SNX31: variants seen among roughly 807,000 people sequenced by gnomAD.
SNX31 encodes the protein sorting nexin 31.
In SNX31, 58 loss-of-function variants were observed where a neutral mutation model predicts 65.4. The ratio of observed to expected loss-of-function variants is 0.89; its 90% CI spans 0.72 to 1.10. The LOEUF (loss-of-function observed/expected upper bound fraction) is 1.10. SNX31 is among the 50% of genes least tolerant of loss of function. SNX31 has a pLI of 0.00. For missense variants in SNX31, 523 were observed against 529.7 expected (o/e 0.99, Z 0.12); for synonymous variants, 181 against 190.1 (o/e 0.95, Z 0.39).
chr8:100,625,069 C>A lies in SNX31; in HGVS notation c.321+5258G>T, dbSNP rs540010522. Among the ~76,000 whole-genome samples the A allele has an allele frequency of 7.2e-5, 11 of 152,270 alleles. No homozygotes were observed. In the South Asian group the frequency reaches 2.1e-3, roughly 29 times the overall value. ...CAAGTAATTCTCCCACCTCAGCCCC[C>A]CAAAGTTCTGGGATTACAGGTGTGA... On this transcript the variant is annotated intron_variant, in intron 4 of 13. Coordinates refer to ENST00000311812, the MANE Select transcript of SNX31 (RefSeq NM_152628.4). This position sits in a 1 kb window ranked among gnomAD's most constrained non-coding sequence, Gnocchi z 4.2.
At chr8:100,636,738 T>G (rs1206773932) in intron 2 of SNX31, among the ~76,000 whole-genome samples, 3 of 152,198 alleles carry the variant, frequency 2.0e-5, no homozygotes, top group Non-Finnish European at 4.4e-5. Context: ...CTTTCTTTTT[T>G]GAGACGGAGT....
chr8:100,596,783 G>T lies in SNX31; in HGVS notation c.834C>A (p.Thr278=). The T allele has an allele frequency of 6.2e-7, 1 of 1,614,086 alleles. No individual in the cohort carries two copies. Among genetic ancestry groups the T allele is most frequent in the Non-Finnish European group, 8.5e-7 (1 of 1,180,020 alleles). The part of the protein sequence containing the change: ...HYGYLQLDPC[T]CDYPESGSGA... ...CAGAGCCTGATTCTGGGTAGTCACA[G>T]GTACAAGGATCCAGCTGCAGGTATC... Residue 278 remains threonine, a synonymous_variant, in exon 10 of 14, where the codon ACC becomes ACA. Transcript: ENST00000311812.
intron 2 of SNX31, among the ~76,000 whole-genome samples, chr8:100,642,148 C>T (rs922875839): frequency 6.6e-6 from 1 of 152,088 alleles, no homozygotes; most frequent in African/African-American, 2.4e-5. Flanking sequence ...ATTTTTCGGC[C>T]CTTCCAGAGA....
Position 100,588,921 on chromosome 8 carries a change from C to T in SNX31, c.1037G>A (p.Arg346Lys), listed in dbSNP as rs1346829966. 6.2e-7 allele frequency: 1 copy of T among 1,614,088 alleles called. No individual in the cohort carries two copies. Among genetic ancestry groups the T allele is most frequent in the Non-Finnish European group, 8.5e-7 (1 of 1,179,992 alleles). Residue 346 changes from arginine (R) to lysine (K), a missense_variant, in exon 11 of 14, where the codon AGA becomes AAA. Coordinates refer to ENST00000311812, the MANE Select transcript of SNX31 (RefSeq NM_152628.4). This position sits in a 1 kb window ranked among gnomAD's most constrained non-coding sequence, Gnocchi z 4.8. ...QRTLNQNLEL[R>K]FQYSEDSCWQ... ...GCAACTATCCTCACTGTATTGAAAT[C>T]TGAGCTCTAAGTTCTGGTTGAGAGT...
upstream of SNX31, among the ~76,000 whole-genome samples, chr8:100,650,239 A>T (rs535933897): frequency 6.6e-6 from 1 of 152,318 alleles, no homozygotes; most frequent in Admixed American, 6.5e-5. Flanking sequence ...TATTTTAGTT[A>T]AATGAAACTA....
intron 11 of SNX31, among the ~76,000 whole-genome samples, chr8:100,586,429 A>C (rs1322039133): frequency 1.3e-5 from 2 of 152,178 alleles, no homozygotes; most frequent in Non-Finnish European, 2.9e-5. Flanking sequence ...GGGAAATAAG[A>C]CCTTACTAGG....
In SNX31 at chr8:100,629,073, A is replaced by G. The variant is rs1818251257; in HGVS notation, c.321+1254T>C. Among the ~76,000 whole-genome samples the G allele has an allele frequency of 6.6e-6, 1 of 152,194 alleles. No individual in the cohort carries two copies. Among genetic ancestry groups the G allele is most frequent in the Admixed American group, 6.5e-5 (1 of 15,280 alleles). ...CATCTAGGTTTGTGGTGTTCACACA[A>G]TGACAAAATCGCCTAATGATGCATT... is the stretch of plus-strand genomic sequence containing the variant. On this transcript the variant is annotated intron_variant, in intron 4 of 13. Transcript: ENST00000311812. The surrounding 1 kb of genome is among the most constrained non-coding windows in gnomAD (Gnocchi z 5.1).
In SNX31 at chr8:100,575,565, A is replaced by C. The variant is rs1455349448; in HGVS notation, c.1227+1454T>G. ...TGTGCTGAGTGTTATCTGTTGTCCT[A>C]GGACAGTGGCTCTCAAACTTGAACA... On this transcript the variant is annotated intron_variant, in intron 13 of 13. Transcript: ENST00000311812. This position sits in a 1 kb window ranked among gnomAD's most constrained non-coding sequence, Gnocchi z 5.1. 6.6e-6 allele frequency among the ~76,000 whole-genome samples: 1 copy of C among 152,192 alleles called. No homozygotes were observed. The highest frequency in any genetic ancestry group is 1.5e-5 in the Non-Finnish European group (1 of 68,032).
intron 11 of SNX31, among the ~76,000 whole-genome samples, chr8:100,585,223 C>A (rs969002983): frequency 6.6e-6 from 1 of 152,178 alleles, no homozygotes; most frequent in Non-Finnish European, 1.5e-5. Flanking sequence ...TTCCCATTTG[C>A]TCCTTTCCCA....
At position 100,622,450 on chromosome 8, in the gene SNX31, G is replaced by A. The variant is rs766723359; in HGVS notation, c.322-4720C>T. ...GTGGGTCATTTGAGGTCAGGAGTTC[G>A]AGACCAGCCTGGCCAACATGGTGAA... On this transcript the variant is annotated intron_variant, in intron 4 of 13. Transcript: ENST00000311812. This position sits in a 1 kb window ranked among gnomAD's most constrained non-coding sequence, Gnocchi z 5.0. Among the ~76,000 whole-genome samples, 47 of 152,204 alleles carry A rather than the reference G, an allele frequency of 3.1e-4. No individual in the cohort carries two copies. Among genetic ancestry groups the A allele is most frequent in the East Asian group, 9.7e-4 (5 of 5,174 alleles).
At position 100,630,873 on chromosome 8, in the gene SNX31, C is replaced by A. The variant is rs934818037; in HGVS notation, c.257-482G>T. On this transcript the variant is annotated intron_variant, in intron 3 of 13. Transcript: ENST00000311812. The surrounding 1 kb of genome is among the most constrained non-coding windows in gnomAD (Gnocchi z 5.3). ...CGTGAGCTCGGCTCACTGCAATGTC[C>A]GTCTCCTGGGTTAAGACGATTCTCT... Among the ~76,000 whole-genome samples the A allele has an allele frequency of 6.6e-6, 1 of 152,110 alleles. No homozygotes were observed. The highest frequency in any genetic ancestry group is 1.5e-5 in the Non-Finnish European group (1 of 68,018).
At chr8:100,636,147 G>A in intron 2 of SNX31, 136 bp from the exon 3 acceptor site, 1 of 593,842 alleles carries the variant, frequency 1.7e-6, no homozygotes, top group Non-Finnish European at 3.0e-6. Flanking sequence ...GCCCAAAGGG[G>A]GAAAAGAGGA....
chr8:100,627,009 T>C (rs1197570673), intron 4 of SNX31, among the ~76,000 whole-genome samples: 1 of 152,106 alleles, frequency 6.6e-6, no homozygotes, highest in Non-Finnish European at 1.5e-5. Context: ...AGGCAAAATA[T>C]TAAGGAAATG....
At chr8:100,596,863 T>G (rs770176911) in intron 9 of SNX31, 21 bp from the exon 10 acceptor site, 1 of 1,610,636 alleles carries the variant, frequency 6.2e-7, no homozygotes, top group Admixed American at 1.7e-5. Flanking sequence ...GAGGGTGATG[T>G]GGGGGGAGGG....
chr8:100,635,874 T>A (rs773863723), intron 3 of SNX31, 23 bp downstream of exon 3: 3 of 1,564,222 alleles, frequency 1.9e-6, no homozygotes, highest in East Asian at 2.2e-5. Flanking sequence ...ATCTGTTTTT[T>A]AAAAAACCCT....
intron 1 of SNX31, chr8:100,657,638 G>A: frequency 2.2e-6 from 1 of 455,910 alleles, no homozygotes; most frequent in Admixed American, 2.4e-5. Flanking sequence ...CAGCTGGAGG[G>A]CTTGGGAGCC....
intron 4 of SNX31, chr8:100,618,887 A>G: frequency 6.5e-6 from 1 of 154,738 alleles, no homozygotes; most frequent in Admixed American, 6.4e-5. Flanking sequence ...AGGTGCCGTT[A>G]TGGAAGCTCC....
At position 100,641,565 on chromosome 8, in the gene SNX31, AATAT is replaced by A. The variant is rs1237945389; in HGVS notation, c.142-5558_142-5555del. On this transcript the variant is annotated intron_variant, in intron 2 of 13. Coordinates refer to ENST00000311812, the MANE Select transcript of SNX31 (RefSeq NM_152628.4). ...TGTCTCAAAAAAAAAAAAAAAAAAA[AATAT>A]ATATATATATATATATATATATATA... is the stretch of plus-strand genomic sequence containing the variant. Among the ~76,000 whole-genome samples, 53 of 32,096 alleles carry A rather than the reference AATAT, an allele frequency of 1.7e-3. 1 individual carries two copies. Among genetic ancestry groups the A allele is most frequent in the African/African-American group, 3.5e-3 (26 of 7,374 alleles). The allele number at this position is 32,096 out of a possible 152,430, so 21.1% of individuals were successfully genotyped here. A position where few individuals can be genotyped will look rare whatever the true frequency, so the allele number is the denominator to read the frequency against.
intron 11 of SNX31, 98 bp from the exon 12 acceptor site, chr8:100,584,286 C>CAATA (rs1190575337): frequency 4.9e-6 from 4 of 819,700 alleles, no homozygotes; most frequent in Non-Finnish European, 5.5e-6. Context: ...CTCTGCCCTC[C>CAATA]AATAACACAG....
Sources: gnomAD v4.1 joint callset for allele counts (sites outside exome capture counted in the v4.1 genomes callset) on GRCh38, gnomAD v4.1.1 for gene constraint, Gnocchi (gnomAD v3.1) non-coding constraint, MANE v1.5 for transcripts, NCBI Gene and HGNC (gene_info 2026-07-23, HGNC 2026-07-21) for gene names.